The following SVIL variants were observed in gnomAD, a reference collection of about 807,000 sequenced individuals.
SVIL encodes archvillin.
A neutral mutation model predicts 240.4 loss-of-function variants in SVIL; 101 were observed. The ratio of observed to expected loss-of-function variants is 0.42; its 90% CI spans 0.36 to 0.50. SVIL has a LOEUF of 0.50. Ranked by LOEUF, SVIL falls within the 20% of genes least tolerant of loss-of-function variation. The pLI is 0.01. For synonymous variants in SVIL, 999 were observed against 1,100.0 expected (o/e 0.91, Z 1.82); for missense variants, 2,512 against 2,818.7 (o/e 0.89, Z 2.46).
intron 1 of SVIL, among the ~76,000 whole-genome samples, chr10:29,601,851 C>T (rs1589363485): frequency 6.6e-6 from 1 of 152,202 alleles, no homozygotes; most frequent in African/African-American, 2.4e-5. Flanking sequence ...TGCTCAGCAC[C>T]GGTTACCTCT....
intron 15 of SVIL, among the ~76,000 whole-genome samples, chr10:29,523,123 T>C (rs938384927): frequency 3.3e-5 from 5 of 152,110 alleles, no homozygotes; most frequent in African/African-American, 9.7e-5. Flanking sequence ...GAATTCCTTG[T>C]GCTTACCCAG....
chr10:29,522,657 T>C, intron 15 of SVIL, 22 bp from the exon 16 acceptor site: 6 of 1,609,500 alleles, frequency 3.7e-6, no homozygotes, highest in Non-Finnish European at 3.4e-6. Context: ...AAGAGCAACA[T>C]CAGCACTGAA....
Position 29,714,686 on chromosome 10 carries a change from G to A in SVIL, c.-400+21065C>T, listed in dbSNP as rs912800025. ...ACAAAAGAAAAAGGCTTGGCCGGGC[G>A]TGGTGACTCATGCCTGTAATCCCAG... On this transcript the variant is annotated intron_variant, in intron 1 of 35. Coordinates refer to the SVIL transcript ENST00000375400. Among the ~76,000 whole-genome samples the A allele has an allele frequency of 5.9e-5, 9 of 152,114 alleles. No individual in the cohort carries two copies. The South Asian group carries it at 6.2e-4, about 11-fold the overall frequency.
intron 3 of SVIL, among the ~76,000 whole-genome samples, chr10:29,655,790 G>A (rs1451027404): frequency 6.6e-6 from 1 of 151,880 alleles, no homozygotes; most frequent in African/African-American, 2.4e-5. Context: ...TCAGTGTCAT[G>A]TTAGCTGTGG....
At chr10:29,685,049 T>C (rs1426019763) in intron 2 of SVIL, among the ~76,000 whole-genome samples, 1 of 152,190 alleles carries the variant, frequency 6.6e-6, no homozygotes, top group Non-Finnish European at 1.5e-5. Context: ...ATGAGTATTT[T>C]TTCTGATCTT....
chr10:29,628,879 C>A (rs1218051181), intron 1 of SVIL, among the ~76,000 whole-genome samples: 1 of 152,106 alleles, frequency 6.6e-6, no homozygotes, highest in South Asian at 2.1e-4. Context: ...ATAAGGCCGC[C>A]AGGAGACCTC....
At chr10:29,606,266 A>C (rs1957018601) in intron 1 of SVIL, among the ~76,000 whole-genome samples, 1 of 150,836 alleles carries the variant, frequency 6.6e-6, no homozygotes, top group Admixed American at 6.6e-5. Context: ...GCTTGTCTTA[A>C]ACTCCTGGTC....
chr10:29,518,137 CA>C (rs1480469281), intron 16 of SVIL, among the ~76,000 whole-genome samples: 3 of 152,290 alleles, frequency 2.0e-5, no homozygotes, highest in Non-Finnish European at 2.9e-5. Flanking sequence ...TCTGCAATCC[CA>C]GCACGTTGGG....
At chr10:29,527,340 T>C (rs1005006292) in intron 12 of SVIL, among the ~76,000 whole-genome samples, 6 of 152,098 alleles carry the variant, frequency 3.9e-5, no homozygotes, top group African/African-American at 1.4e-4. Context: ...GTAAAAAAAA[T>C]AATAATTCAA....
rs371700516 is a variant in SVIL, at chr10:29,554,805, G to A, written c.138C>T (p.Ser46=). ...CACCGATGTGGGGGCTGGCAGGGTC[G>A]CTGGCTCTCATGTATCGAGGGGTGT... is the stretch of plus-strand genomic sequence containing the variant. ...EEDTPRYMRA[S]DPASPHIGRS... is the part of the protein sequence containing the mutation. The change falls in exon 5 of 38, where the codon AGC becomes AGT. Residue 46 remains serine (S), a synonymous_variant. Transcript: ENST00000355867. 3.1e-5 allele frequency: 50 copies of A among 1,606,072 alleles called. No individual in the cohort carries two copies. Among genetic ancestry groups the A allele is most frequent in the Middle Eastern group, 3.4e-4 (2 of 5,908 alleles).
intron 1 of SVIL, among the ~76,000 whole-genome samples, chr10:29,709,761 A>G (rs1391587269): frequency 6.6e-6 from 1 of 152,062 alleles, no homozygotes; most frequent in Admixed American, 6.5e-5. Context: ...AGTAGAGCAA[A>G]CCTGTGAGCA....
At chr10:29,540,675 G>A (rs1319934774) in intron 6 of SVIL, among the ~76,000 whole-genome samples, 2 of 152,034 alleles carry the variant, frequency 1.3e-5, no homozygotes, top group Non-Finnish European at 2.9e-5. Flanking sequence ...GGATGCCAGT[G>A]TTCATGGACT....
chr10:29,679,559 CTTTTTT>C (rs369701914), intron 2 of SVIL, among the ~76,000 whole-genome samples: 1 of 140,828 alleles, frequency 7.1e-6, no homozygotes, highest in African/African-American at 2.6e-5. Context: ...TTTTCTTTTC[CTTTTTT>C]TTTTTTGAGA....
chr10:29,497,659 C>G (rs1268071702), intron 18 of SVIL, among the ~76,000 whole-genome samples: 1 of 152,124 alleles, frequency 6.6e-6, no homozygotes, highest in African/African-American at 2.4e-5. Flanking sequence ...TTTGGTCAGT[C>G]AGAGAAATCA....
intron 29 of SVIL, among the ~76,000 whole-genome samples, chr10:29,478,240 C>T (rs541055157): frequency 2.6e-5 from 4 of 152,278 alleles, no homozygotes; most frequent in East Asian, 1.9e-4. Flanking sequence ...AAAGCAAAAG[C>T]GTAAGTCCAC....
intron 1 of SVIL, among the ~76,000 whole-genome samples, chr10:29,716,570 A>G (rs1020467016): frequency 2.6e-4 from 40 of 152,262 alleles, no homozygotes; most frequent in Non-Finnish European, 5.9e-5. Context: ...ATAATAAAGC[A>G]GAAAATATTA....
chr10:29,660,747 C>A (rs1444495553), intron 2 of SVIL, among the ~76,000 whole-genome samples: 2 of 152,244 alleles, frequency 1.3e-5, no homozygotes, highest in East Asian at 3.9e-4. Flanking sequence ...CCCTCCTGAC[C>A]TCTGGAGCAT....
At chr10:29,481,470 T>G in intron 28 of SVIL, 114 bp downstream of exon 28, 1 of 1,321,684 alleles carries the variant, frequency 7.6e-7, no homozygotes, top group Non-Finnish European at 1.1e-6. Context: ...AAAGAAATGA[T>G]ACATCTGGGG....
At chr10:29,531,403 TAAC>T in intron 9 of SVIL, 115 bp from the exon 10 acceptor site, 1 of 1,030,370 alleles carries the variant, frequency 9.7e-7, no homozygotes. Context: ...TTTTAAGAAA[TAAC>T]CTCCTGGTAG....
Sources: gnomAD v4.1 joint callset for allele counts (sites outside exome capture counted in the v4.1 genomes callset) on GRCh38, gnomAD v4.1.1 for gene constraint, MANE v1.5 for transcripts, NCBI Gene and HGNC (gene_info 2026-07-23, HGNC 2026-07-21) for gene names.